The following ZZEF1 variants were observed in gnomAD, a reference collection of about 807,000 sequenced individuals.
The protein encoded by ZZEF1 is zinc finger ZZ-type and EF-hand domain-containing protein 1.
Under a neutral mutation model 342.8 loss-of-function variants are expected in ZZEF1, and 157 were observed. The ratio of observed to expected loss-of-function variants is 0.46; its 90% CI spans 0.40 to 0.52. ZZEF1 has a LOEUF of 0.52. ZZEF1 is among the 20% of genes least tolerant of loss of function. ZZEF1 has a pLI of 0.00. For missense variants in ZZEF1, 3,480 were observed against 3,725.6 expected (o/e 0.93, Z 1.72); for synonymous variants, 1,505 against 1,429.1 (o/e 1.05, Z -1.20).
chr17:4,106,214 A>G (rs545109348), intron 6 of ZZEF1, among the ~76,000 whole-genome samples: 1 of 152,252 alleles, frequency 6.6e-6, no homozygotes, highest in Admixed American at 6.5e-5. Flanking sequence ...CCACAGTGCT[A>G]TGATTACAGG....
rs113335580 is a variant in ZZEF1, at chr17:4,008,635, G to A, written c.8805+248C>T. On this transcript the variant is annotated intron_variant, in intron 54 of 54. Coordinates refer to ENST00000381638, the MANE Select transcript of ZZEF1 (RefSeq NM_015113.4). This position sits in a 1 kb window ranked among gnomAD's most constrained non-coding sequence, Gnocchi z 4.2. ...TCAGCCAAACTAAATTTAAGGCATC[G>A]GTTGTTTTGGTTTTAAAGACACAAA... The A allele has an allele frequency of 8.8e-4, 1,062 of 1,209,442 alleles. 11 individuals are homozygous for A. In the African/African-American group the frequency reaches 0.015, roughly 17 times the overall value. The allele number at this position is 1,209,442 out of a possible 1,614,324, so 74.9% of individuals were successfully genotyped here.
At chr17:4,076,816 A>G in intron 20 of ZZEF1, 52 bp downstream of exon 20, 1 of 1,611,650 alleles carries the variant, frequency 6.2e-7, no homozygotes. Context: ...CTGGGGATGC[A>G]GACCCCCAAC....
At chr17:4,020,169 G>A (rs993185201) in intron 45 of ZZEF1, among the ~76,000 whole-genome samples, 1 of 152,148 alleles carries the variant, frequency 6.6e-6, no homozygotes, top group Non-Finnish European at 1.5e-5. Flanking sequence ...TCACTTGGTT[G>A]CCCAGGCTGG....
chr17:4,133,538 T>C (rs2058702340), intron 1 of ZZEF1, among the ~76,000 whole-genome samples: 1 of 152,132 alleles, frequency 6.6e-6, no homozygotes, highest in African/African-American at 2.4e-5. Context: ...TGAACTCCTA[T>C]CAACTCTAGA....
intron 39 of ZZEF1, among the ~76,000 whole-genome samples, chr17:4,038,677 T>G (rs765056061): frequency 5.9e-5 from 9 of 152,068 alleles, no homozygotes; most frequent in Non-Finnish European, 1.3e-4. Context: ...TGGTGGCACA[T>G]TCCTGTAGTC....
At chr17:4,039,930 C>T (rs1157358068) in intron 39 of ZZEF1, among the ~76,000 whole-genome samples, 3 of 152,144 alleles carry the variant, frequency 2.0e-5, no homozygotes, top group Non-Finnish European at 4.4e-5. Flanking sequence ...AGGCGTGAGC[C>T]ACCGTGCCCA....
rs1370572001 is a variant in ZZEF1 at position 4,074,269 on chromosome 17, G to T, written c.3566C>A (p.Thr1189Asn). 1 of 1,614,202 alleles carries T rather than the reference G, an allele frequency of 6.2e-7. No individual in the cohort carries two copies. Among genetic ancestry groups the T allele is most frequent in the Non-Finnish European group, 8.5e-7 (1 of 1,180,032 alleles). The change falls in exon 24 of 55, where the codon ACT becomes AAT. Residue 1189 changes from threonine to asparagine, a missense_variant. By Grantham distance (65) the Thr-to-Asn change is moderately conservative (BLOSUM62 0). This residue lies in a region of ZZEF1 where 1,528 missense variants were observed against 1,624.1 expected (regional missense o/e 0.94). Transcript: ENST00000381638. ...ATCGGGCAGCCCACAGGCAGTGACA[G>T]TGAATTTGTAGCCCCATTCGTTGTG... is the stretch of plus-strand genomic sequence containing the variant. ...SSHNEWGYKF[T>N]VTACGLPDVA...
At chr17:4,108,709 G>A (rs184784608) in intron 6 of ZZEF1, among the ~76,000 whole-genome samples, 443 of 152,304 alleles carry the variant, frequency 2.9e-3, no homozygotes, top group Non-Finnish European at 5.2e-3. Flanking sequence ...ACTCTCTAAT[G>A]ACTGAGGAAG....
intron 43 of ZZEF1, among the ~76,000 whole-genome samples, chr17:4,023,612 G>A (rs1474756222): frequency 7.3e-6 from 1 of 136,526 alleles, no homozygotes; most frequent in African/African-American, 2.8e-5. Context: ...TCAAGGTCAA[G>A]AGTTCAAGAG....
Position 4,072,664 on chromosome 17 carries a change from G to T in ZZEF1, c.3778C>A (p.Pro1260Thr). The T allele has an allele frequency of 6.2e-7, 1 of 1,613,968 alleles. No individual in the cohort carries two copies. Among genetic ancestry groups the T allele is most frequent in the Non-Finnish European group, 8.5e-7 (1 of 1,179,950 alleles). ...CAGCTTGCTTCTAATTCCAACTCTG[G>T]ACAAACCTGATGCCTGAAGACAGGT... The part of the protein sequence containing the change: ...WKPVFRHQVC[P>T]ELELEASWPT... The change falls in exon 25 of 55, where the codon CCA becomes ACA. Residue 1260 changes from proline (P) to threonine (T), a missense_variant. By Grantham distance (38) the Pro-to-Thr change is conservative. Coordinates refer to ENST00000381638, the MANE Select transcript of ZZEF1 (RefSeq NM_015113.4).
rs2057348951 is a variant in ZZEF1 at position 4,064,425 on chromosome 17, C to T, written c.4654G>A (p.Glu1552Lys). The T allele has an allele frequency of 3.1e-6, 5 of 1,613,802 alleles. No homozygotes were observed. In the South Asian group the frequency reaches 5.5e-5, roughly 18 times the overall value. Reference sequence around the variant, plus strand: ...ACGTCCTTCAGCACAGGGTATTTCTCTTTCACTGTGGGCACCAGTCTGGCC... The same window carrying T: ...ACGTCCTTCAGCACAGGGTATTTCTTTTTCACTGTGGGCACCAGTCTGGCC... ...EEARLVPTVK[E>K]KYPVLKDVMD... Residue 1552 changes from glutamate to lysine, a missense_variant, in exon 29 of 55, where the codon GAG becomes AAG. Around this residue, in one of 5 missense-constraint regions of ZZEF1, gnomAD observed 1,528 missense variants for 1,624.1 expected, o/e 0.94. Transcript: ENST00000381638.
chr17:4,112,559 A>G, intron 5 of ZZEF1, 50 bp downstream of exon 5: 5 of 1,593,212 alleles, frequency 3.1e-6, no homozygotes, highest in Non-Finnish European at 4.3e-6. Context: ...TCAAAGTAAA[A>G]AATACTACTC....
At chr17:4,094,917 C>T (rs1213871579) in intron 11 of ZZEF1, among the ~76,000 whole-genome samples, 1 of 152,200 alleles carries the variant, frequency 6.6e-6, no homozygotes. Context: ...GTCCATACTA[C>T]ACACAACATG....
chr17:4,114,930 A>T (rs1198662188), intron 3 of ZZEF1, among the ~76,000 whole-genome samples: 1 of 152,214 alleles, frequency 6.6e-6, no homozygotes, highest in African/African-American at 2.4e-5. Context: ...TTCTGAGTTA[A>T]TTCATACATT....
Position 4,009,710 on chromosome 17 carries a change from G to A in ZZEF1, c.8627C>T (p.Thr2876Ile), listed in dbSNP as rs771719498. The change falls in exon 53 of 55, where the codon ACC (threonine) becomes ATC (isoleucine). Residue 2876 changes from threonine to isoleucine, a missense_variant. By Grantham distance (89) the Thr-to-Ile change is moderately conservative. Around this residue, in one of 5 missense-constraint regions of ZZEF1, gnomAD observed 1,269 missense variants for 1,342.4 expected, o/e 0.95. Transcript: ENST00000381638. ...ALLKPLWQLF[T>I]HMEYGLFEDV... is the part of the protein sequence containing the mutation. ...CTCAAACAGGCCGTACTCCATGTGG[G>A]TAAAGAGCTGCCACAGGGGCTTCAA... The A allele has an allele frequency of 6.2e-7, 1 of 1,614,140 alleles. No individual in the cohort carries two copies. Among genetic ancestry groups the A allele is most frequent in the South Asian group, 1.1e-5 (1 of 91,080 alleles).
rs766109360 is a variant in ZZEF1 at position 4,013,406 on chromosome 17, T to C, written c.8579+43A>G. ...GAAAGGGCCAGCCACAGAGTGGGGATACATATGCCTGGCAAAGGGCTGCCA... is the reference window on the plus strand; with the variant it reads ...GAAAGGGCCAGCCACAGAGTGGGGACACATATGCCTGGCAAAGGGCTGCCA... On this transcript the variant is annotated intron_variant, in intron 52 of 54. Coordinates refer to ENST00000381638, the MANE Select transcript of ZZEF1 (RefSeq NM_015113.4). The C allele has an allele frequency of 2.1e-5, 32 of 1,525,252 alleles. 1 individual carries two copies. The South Asian group carries it at 3.8e-4, about 18-fold the overall frequency. 94.5% of individuals were successfully genotyped at this position (1,525,252 alleles called of 1,614,324 possible). A position where few individuals can be genotyped will look rare whatever the true frequency, so the allele number is the denominator to read the frequency against.
At chr17:4,060,882 C>T (rs1597830796) in intron 30 of ZZEF1, among the ~76,000 whole-genome samples, 4 of 152,286 alleles carry the variant, frequency 2.6e-5, no homozygotes, top group African/African-American at 9.6e-5. Flanking sequence ...AATCTCTCAA[C>T]TTATACAACT....
chr17:4,008,796 G>T lies in ZZEF1; in HGVS notation c.8805+87C>A, dbSNP rs183403640. 4.9e-4 allele frequency: 744 copies of T among 1,514,338 alleles called. 5 individuals are homozygous for T. The highest frequency in any genetic ancestry group is 7.1e-4 in the Admixed American group (35 of 49,370). 93.8% of individuals were successfully genotyped at this position (1,514,338 alleles called of 1,614,324 possible). A position where few individuals can be genotyped will look rare whatever the true frequency, so the allele number is the denominator to read the frequency against. On this transcript the variant is annotated intron_variant, in intron 54 of 54. Coordinates refer to ENST00000381638, the MANE Select transcript of ZZEF1 (RefSeq NM_015113.4). The surrounding 1 kb of genome is among the most constrained non-coding windows in gnomAD (Gnocchi z 4.2). ...CGGGTGGATTCTGTCCTACTCAGAC[G>T]CAATGTACAGACCTTCTCTGCCCTG...
chr17:4,114,069 AAGATATGAAATC>A (rs1394068270), intron 4 of ZZEF1, among the ~76,000 whole-genome samples: 2 of 152,228 alleles, frequency 1.3e-5, no homozygotes, highest in African/African-American at 4.8e-5. Flanking sequence ...CTAGTGAAAA[AAGATATGAAATC>A]AGTACTAATC....
Sources: gnomAD v4.1 joint callset for allele counts (sites outside exome capture counted in the v4.1 genomes callset) on GRCh38, gnomAD v4.1.1 for gene constraint, gnomAD v4.1.1 regional missense constraint, Gnocchi (gnomAD v3.1) non-coding constraint, MANE v1.5 for transcripts, NCBI Gene and HGNC (gene_info 2026-07-23, HGNC 2026-07-21) for gene names.